Variants in ZNF536 observed in about 807,000 individuals in gnomAD.
ZNF536 encodes the protein zinc finger protein 536.
In ZNF536, 13 loss-of-function variants were observed where a neutral mutation model predicts 84.5. The observed-to-expected ratio is 0.15, with a 90% CI of 0.10 to 0.24. ZNF536 has a LOEUF of 0.24. ZNF536 is among the 10% of genes least tolerant of loss of function. The pLI, the probability that ZNF536 is intolerant of heterozygous loss-of-function variation, is 1.00. For missense variants in ZNF536, 1,536 were observed against 1,747.5 expected (o/e 0.88, Z 2.16); for synonymous variants, 811 against 742.5 (o/e 1.09, Z -1.50).
At chr19:30,349,630 G>C (rs1421535955) in intron 2 of ZNF536, among the ~76,000 whole-genome samples, 1 of 151,910 alleles carries the variant, frequency 6.6e-6, no homozygotes, top group African/African-American at 2.4e-5. Context: ...AGGAAGAAGT[G>C]GTACCCCACA....
Position 30,365,491 on chromosome 19 carries a change from G to A in ZNF536, c.-3+13007G>A, listed in dbSNP as rs545505314. On this transcript the variant is annotated intron_variant, in intron 3 of 5. Coordinates refer to the ZNF536 transcript ENST00000585628. ...CTGCTTCCCACACAGCTTTGGTGGG[G>A]GGAAGATGCTGCCCAGGGAATCCCT... is the stretch of plus-strand genomic sequence containing the variant. Among the ~76,000 whole-genome samples, 5 of 152,308 alleles carry A rather than the reference G, an allele frequency of 3.3e-5. No individual in the cohort carries two copies. The South Asian group carries it at 1.0e-3, about 32-fold the overall frequency.
chr19:30,290,165 G>A (rs1367833379), intron 2 of ZNF536, among the ~76,000 whole-genome samples: 1 of 152,218 alleles, frequency 6.6e-6, no homozygotes, highest in African/African-American at 2.4e-5. Flanking sequence ...TTAGTCGAAT[G>A]TCCTCAAGGT....
chr19:30,378,330 T>C (rs2048893390), intron 1 of ZNF536, among the ~76,000 whole-genome samples: 2 of 152,144 alleles, frequency 1.3e-5, no homozygotes, highest in African/African-American at 4.8e-5. Flanking sequence ...CTGGCTAATT[T>C]TTGTATTTTT....
chr19:30,280,069 G>A (rs2045383538), intron 1 of ZNF536, among the ~76,000 whole-genome samples: 1 of 152,068 alleles, frequency 6.6e-6, no homozygotes, highest in Non-Finnish European at 1.5e-5. Flanking sequence ...GGCCAGGAGG[G>A]GAAATTGAAG....
intron 1 of ZNF536, among the ~76,000 whole-genome samples, chr19:30,612,104 G>T (rs1363764647): frequency 1.3e-5 from 2 of 152,166 alleles, no homozygotes; most frequent in African/African-American, 4.8e-5. Flanking sequence ...ATTATGAAAT[G>T]AGCAGCCCAG....
intron 2 of ZNF536, among the ~76,000 whole-genome samples, chr19:30,475,839 A>G (rs1336956137): frequency 6.6e-6 from 1 of 152,064 alleles, no homozygotes; most frequent in East Asian, 1.9e-4. Context: ...CTGTCTCCCC[A>G]TGTTCAGTTC....
intron 1 of ZNF536, among the ~76,000 whole-genome samples, chr19:30,589,727 G>T (rs1484497660): frequency 6.6e-6 from 1 of 152,220 alleles, no homozygotes; most frequent in Admixed American, 6.5e-5. Context: ...CAGTGGAGCA[G>T]CAAGGAAGCT....
intron 2 of ZNF536, among the ~76,000 whole-genome samples, chr19:30,530,851 G>A (rs1180885007): frequency 6.6e-6 from 1 of 152,206 alleles, no homozygotes; most frequent in Non-Finnish European, 1.5e-5. Context: ...GCAGATGCAC[G>A]TTCCCCTCTG....
At chr19:30,300,968 A>G (rs1043077770) in intron 2 of ZNF536, among the ~76,000 whole-genome samples, 10 of 152,086 alleles carry the variant, frequency 6.6e-5, no homozygotes. Flanking sequence ...CTGCAATAGG[A>G]GGGGATGGGG....
intron 2 of ZNF536, among the ~76,000 whole-genome samples, chr19:30,523,917 CG>C (rs2145765788): frequency 2.0e-5 from 3 of 152,296 alleles, no homozygotes; most frequent in Admixed American, 2.0e-4. Context: ...GAAACAAGAA[CG>C]TATTTGTGAG....
exon 2 of ZNF536, chr19:30,284,110 G>A (rs891601578): frequency 2.6e-5 from 4 of 152,170 alleles, no homozygotes; most frequent in Admixed American, 2.0e-4. Context: ...CCTTCAACCG[G>A]GAGGGAGATC....
intron 1 of ZNF536, among the ~76,000 whole-genome samples, chr19:30,394,732 G>A (rs188946961): frequency 1.1e-3 from 162 of 152,248 alleles, no homozygotes; most frequent in African/African-American, 3.7e-3. Flanking sequence ...ACCTTTCCAA[G>A]GGAGAATCAC....
chr19:30,341,671 G>A (rs1406687764), intron 2 of ZNF536, among the ~76,000 whole-genome samples: 3 of 151,570 alleles, frequency 2.0e-5, no homozygotes, highest in Non-Finnish European at 4.4e-5. Context: ...TTTTTTCAAT[G>A]TCAAAGAATT....
intron 1 of ZNF536, among the ~76,000 whole-genome samples, chr19:30,383,816 CTT>C (rs1188361230): frequency 2.8e-5 from 4 of 141,944 alleles, no homozygotes; most frequent in Non-Finnish European, 4.6e-5. Context: ...TTCTTTCTCT[CTT>C]TCTTTCTTTC....
rs541791686 is a variant in ZNF536 at position 30,679,843 on chromosome 19, C to T, written c.170-30914C>T. Reference sequence around the variant, plus strand: ...AAATTGCAATTCTCAACCTGTTTTGCGGGGAGAGGGGGGTCAGCTCTGGGC... The same window carrying T: ...AAATTGCAATTCTCAACCTGTTTTGTGGGGAGAGGGGGGTCAGCTCTGGGC... On this transcript the variant is annotated intron_variant, in intron 1 of 1. Coordinates refer to the ZNF536 transcript ENST00000592773. Among the ~76,000 whole-genome samples the T allele has an allele frequency of 3.2e-4, 48 of 152,298 alleles. 1 individual carries two copies. Among genetic ancestry groups the T allele is most frequent in the African/African-American group, 1.1e-3 (45 of 41,574 alleles).
At chr19:30,490,364 A>G (rs2054459921) in intron 2 of ZNF536, among the ~76,000 whole-genome samples, 1 of 152,190 alleles carries the variant, frequency 6.6e-6, no homozygotes, top group South Asian at 2.1e-4. Flanking sequence ...ACATTTTAGA[A>G]TATATAGACC....
intron 2 of ZNF536, among the ~76,000 whole-genome samples, chr19:30,284,823 A>G (rs1391143144): frequency 6.6e-6 from 1 of 152,232 alleles, no homozygotes; most frequent in East Asian, 1.9e-4. Context: ...GGAAATTGAT[A>G]GCAGAATTAT....
At chr19:30,479,789 G>A (rs1310863251) in intron 2 of ZNF536, among the ~76,000 whole-genome samples, 2 of 152,216 alleles carry the variant, frequency 1.3e-5, no homozygotes, top group Non-Finnish European at 2.9e-5. Flanking sequence ...ACTTGTTTCT[G>A]TACCCTTTGG....
intron 1 of ZNF536, among the ~76,000 whole-genome samples, chr19:30,617,053 G>A (rs978240435): frequency 1.2e-4 from 18 of 151,844 alleles, no homozygotes; most frequent in East Asian, 5.8e-4. Flanking sequence ...TTGGTTCCTC[G>A]TTTTCTATAT....
Sources: allele counts gnomAD v4.1 joint callset (sites outside exome capture counted in the v4.1 genomes callset), GRCh38; gene constraint gnomAD v4.1.1; transcripts MANE v1.5; gene names NCBI Gene and HGNC (gene_info 2026-07-23, HGNC 2026-07-21).